Variants in AGPAT3 observed in about 807,000 individuals in gnomAD.
AGPAT3 encodes the protein 1-acyl-sn-glycerol-3-phosphate acyltransferase gamma.
Under a neutral mutation model 47.3 loss-of-function variants are expected in AGPAT3, and 5 were observed. The observed-to-expected ratio is 0.11, with a 90% CI of 0.06 to 0.22. The LOEUF is 0.22. AGPAT3 is among the 10% of genes least tolerant of loss of function. The pLI, the probability that AGPAT3 is intolerant of heterozygous loss-of-function variation, is 1.00. For synonymous variants in AGPAT3, 212 were observed against 208.3 expected, an observed-to-expected ratio of 1.02 and a Z score of -0.15; for missense variants, 315 against 493.0, an observed-to-expected ratio of 0.64 and a Z score of 3.42.
At chr21:43,938,454 T>C (rs927744663) in intron 2 of AGPAT3, among the ~76,000 whole-genome samples, 1 of 150,908 alleles carries the variant, frequency 6.6e-6, no homozygotes, top group Non-Finnish European at 1.5e-5. Flanking sequence ...ATTACAGGCA[T>C]GCTAATTTTT....
In AGPAT3 at chr21:43,969,546, C is replaced by T. The variant is rs530092008; in HGVS notation, c.510+267C>T. ...GGGGGAGGGGGCAGAGCAGGGTGCC[C>T]CCAGTGAGCCCTGGCTCTGCCCGCC... is the stretch of plus-strand genomic sequence containing the variant. On this transcript the variant is annotated intron_variant, in intron 5 of 9. Transcript: ENST00000291572. Among the ~76,000 whole-genome samples the T allele has an allele frequency of 3.7e-3, 562 of 152,344 alleles. 5 individuals are homozygous for T. Among genetic ancestry groups the T allele is most frequent in the African/African-American group, 0.013 (524 of 41,588 alleles).
Position 43,954,237 on chromosome 21 carries a change from G to T in AGPAT3, c.-48-5397G>T, listed in dbSNP as rs954182723. 1.3e-5 allele frequency among the ~76,000 whole-genome samples: 2 copies of T among 152,216 alleles called. No homozygotes were observed. Among genetic ancestry groups the T allele is most frequent in the South Asian group, 4.1e-4 (2 of 4,828 alleles). ...CTTCCTCACCGTCACCCTTCTGCAG[G>T]GAGGGAGGTGGCCTCTGCCTGCTGC... On this transcript the variant is annotated intron_variant, in intron 2 of 9. Coordinates refer to ENST00000291572, the MANE Select transcript of AGPAT3 (RefSeq NM_020132.5). The surrounding 1 kb of genome is among the most constrained non-coding windows in gnomAD (Gnocchi z 4.0).
At chr21:43,929,704 T>C (rs2087176905) in intron 2 of AGPAT3, among the ~76,000 whole-genome samples, 2 of 152,102 alleles carry the variant, frequency 1.3e-5, no homozygotes, top group Non-Finnish European at 1.5e-5. Flanking sequence ...TGCTCCTTAC[T>C]GGGATGGAGG....
intron 2 of AGPAT3, among the ~76,000 whole-genome samples, chr21:43,943,619 T>C (rs2146394993): frequency 6.6e-6 from 1 of 152,258 alleles, no homozygotes; most frequent in South Asian, 2.1e-4. Context: ...CAGGCCACGC[T>C]GAGAGTCTGC....
chr21:43,966,594 G>A (rs1205378820), intron 3 of AGPAT3: 1 of 152,234 alleles, frequency 6.6e-6, no homozygotes, highest in Non-Finnish European at 1.5e-5. Context: ...TGACCGCTGG[G>A]AAGACACTTC....
chr21:43,908,627 G>C lies in AGPAT3; in HGVS notation c.-49+4608G>C, dbSNP rs561348681. 2.6e-5 allele frequency among the ~76,000 whole-genome samples: 4 copies of C among 152,316 alleles called. No individual in the cohort carries two copies. The highest frequency in any genetic ancestry group is 1.9e-4 in the East Asian group (1 of 5,182). ...GATGAGAAAGGACCTATGGCCTCCA[G>C]CTCCGGGTTCAGGGCTGTGTCCAGG... On this transcript the variant is annotated intron_variant, in intron 2 of 9. Coordinates refer to ENST00000291572, the MANE Select transcript of AGPAT3 (RefSeq NM_020132.5). This position sits in a 1 kb window ranked among gnomAD's most constrained non-coding sequence, Gnocchi z 4.9.
At chr21:43,907,691 T>TG (rs879490791) in intron 2 of AGPAT3, among the ~76,000 whole-genome samples, 13 of 152,194 alleles carry the variant, frequency 8.5e-5, no homozygotes, top group Non-Finnish European at 1.3e-4. Context: ...CACTCCAGCC[T>TG]GGGCGACAGA....
chr21:43,894,851 C>G (rs142506346), intron 1 of AGPAT3, among the ~76,000 whole-genome samples: 13 of 152,256 alleles, frequency 8.5e-5, no homozygotes, highest in Admixed American at 7.8e-4. Flanking sequence ...TTTAAAAGAC[C>G]TGAAGCACTG....
intron 1 of AGPAT3, among the ~76,000 whole-genome samples, chr21:43,882,357 A>T (rs576393779): frequency 7.2e-5 from 11 of 152,394 alleles, no homozygotes; most frequent in Non-Finnish European, 1.2e-4. Flanking sequence ...TCAGATTGAC[A>T]CGTATTTCCA....
chr21:43,964,808 T>C (rs1332400109), intron 3 of AGPAT3: 1 of 152,224 alleles, frequency 6.6e-6, no homozygotes, highest in Non-Finnish European at 1.5e-5. Context: ...ATTTGGGATG[T>C]TCTCCACTTA....
chr21:43,865,788 G>T (rs936538979), intron 1 of AGPAT3, among the ~76,000 whole-genome samples: 2 of 151,776 alleles, frequency 1.3e-5, no homozygotes, highest in Admixed American at 1.3e-4. Context: ...GCTCCCCCGT[G>T]GACAGGACGC....
At chr21:43,931,827 T>C (rs535062086) in intron 2 of AGPAT3, among the ~76,000 whole-genome samples, 8 of 152,300 alleles carry the variant, frequency 5.3e-5, no homozygotes, top group African/African-American at 1.7e-4. Flanking sequence ...ATTCTAGGTT[T>C]GCTGTAAAGA....
intron 1 of AGPAT3, among the ~76,000 whole-genome samples, chr21:43,898,469 A>G (rs1427784357): frequency 6.6e-6 from 1 of 152,224 alleles, no homozygotes; most frequent in Admixed American, 6.5e-5. Flanking sequence ...ATATCCAAGG[A>G]CCTGCAAGCA....
intron 2 of AGPAT3, among the ~76,000 whole-genome samples, chr21:43,943,132 T>G (rs2087724858): frequency 6.6e-6 from 1 of 152,128 alleles, no homozygotes. Context: ...TGGAGTGCAG[T>G]GGAGTGATCT....
chr21:43,985,474 A>T lies in AGPAT3; in HGVS notation c.*3082A>T. ...TGCCTGTCCCGACTCCCTTTCGCGCACCGTGGCATGAGAATCTTTCCTCAC... is the reference window on the plus strand; with the variant it reads ...TGCCTGTCCCGACTCCCTTTCGCGCTCCGTGGCATGAGAATCTTTCCTCAC... On this transcript the variant is annotated 3_prime_UTR_variant, in exon 10 of 10. Coordinates refer to ENST00000291572, the MANE Select transcript of AGPAT3 (RefSeq NM_020132.5). 6.3e-6 allele frequency: 2 copies of T among 316,756 alleles called. No individual in the cohort carries two copies. Among genetic ancestry groups the T allele is most frequent in the Non-Finnish European group, 1.2e-5 (2 of 162,756 alleles). 19.6% of individuals were successfully genotyped at this position (316,756 alleles called of 1,614,324 possible).
intron 2 of AGPAT3, among the ~76,000 whole-genome samples, chr21:43,953,671 C>CT (rs911079734): frequency 1.3e-5 from 2 of 152,176 alleles, no homozygotes; most frequent in Admixed American, 1.3e-4. Flanking sequence ...TCCAGAAGAG[C>CT]TTTTTTTGTG....
intron 2 of AGPAT3, among the ~76,000 whole-genome samples, chr21:43,942,938 G>A (rs1378252654): frequency 6.6e-6 from 1 of 152,258 alleles, no homozygotes; most frequent in Non-Finnish European, 1.5e-5. Context: ...AGAGCCCCTT[G>A]CCTGTTGGGG....
chr21:43,986,933 G>A lies in AGPAT3; in HGVS notation c.*4541G>A, dbSNP rs2030356356. 1.3e-5 allele frequency among the ~76,000 whole-genome samples: 2 copies of A among 152,204 alleles called. No individual in the cohort carries two copies. The highest frequency in any genetic ancestry group is 1.3e-4 in the Admixed American group (2 of 15,280). ...GGTCTTTAGAAGCTTGTCGGGGTGA[G>A]GGCTGCTAACTTACACTTCAGAGGC... On this transcript the variant is annotated 3_prime_UTR_variant, in exon 10 of 10. Coordinates refer to ENST00000291572, the MANE Select transcript of AGPAT3 (RefSeq NM_020132.5).
intron 1 of AGPAT3, among the ~76,000 whole-genome samples, chr21:43,886,012 C>A (rs776842794): frequency 6.6e-6 from 1 of 152,204 alleles, no homozygotes; most frequent in South Asian, 2.1e-4. Flanking sequence ...TTTGCAAAGC[C>A]GGGGCAGCGA....
Sources: gnomAD v4.1 joint callset for allele counts (sites outside exome capture counted in the v4.1 genomes callset) on GRCh38, gnomAD v4.1.1 for gene constraint, Gnocchi (gnomAD v3.1) non-coding constraint, MANE v1.5 for transcripts, NCBI Gene and HGNC (gene_info 2026-07-23, HGNC 2026-07-21) for gene names.